ACTR3C: variants seen among roughly 807,000 people sequenced by gnomAD.
ACTR3C encodes actin-related protein 3C.
ACTR3C carries 18 observed loss-of-function variants against 26.3 expected under a neutral mutation model. The ratio of observed to expected loss-of-function variants is 0.68; its 90% CI spans 0.47 to 1.01. The LOEUF is 1.01. Among genes scored for constraint, ACTR3C ranks in the 50% least tolerant of loss-of-function variants. The probability of loss-of-function intolerance (pLI) is 0.00; values close to 1 mark genes in which losing one functional copy is unlikely to be tolerated. For synonymous variants in ACTR3C, 55 were observed against 94.5 expected (o/e 0.58, Z 2.42); for missense variants, 184 against 250.7 (o/e 0.73, Z 1.80).
chr7:150,035,155 C>A, the ACTR3C span, among the ~76,000 whole-genome samples: 12 of 132,798 alleles, frequency 9.0e-5, 1 homozygote, highest in African/African-American at 3.4e-4. Context: ...CGATGGGGGT[C>A]CTAAGCCAGG....
chr7:150,094,711 A>C, the ACTR3C span, among the ~76,000 whole-genome samples: 1 of 150,746 alleles, frequency 6.6e-6, no homozygotes, highest in East Asian at 1.9e-4. Flanking sequence ...CATTGAGATA[A>C]GGTGAGCAGG....
chr7:149,940,490 A>G, the ACTR3C span, among the ~76,000 whole-genome samples: 3,548 of 151,928 alleles, frequency 0.023, 150 homozygotes, highest in African/African-American at 0.08. Context: ...CAACAGTCTA[A>G]AAGAGATTTG....
intron 4 of ACTR3C, 114 bp from the exon 5 acceptor site, chr7:150,286,654 C>T: frequency 7.2e-7 from 1 of 1,387,474 alleles, no homozygotes; most frequent in Non-Finnish European, 9.7e-7. Flanking sequence ...CAGAACCGCC[C>T]CCACCGTTAC....
intron 6 of ACTR3C, among the ~76,000 whole-genome samples, chr7:150,265,172 T>C (rs1211204688): frequency 2.6e-5 from 4 of 152,252 alleles, no homozygotes; most frequent in African/African-American, 2.4e-5. Flanking sequence ...GACATCATCA[T>C]AAAACTTTTT....
the ACTR3C span, among the ~76,000 whole-genome samples, chr7:150,155,402 T>C: frequency 1.3e-5 from 2 of 152,086 alleles, no homozygotes; most frequent in African/African-American, 4.8e-5. Context: ...TCTCATCATC[T>C]GTGGAATTTG....
the ACTR3C span, among the ~76,000 whole-genome samples, chr7:150,037,446 C>A: frequency 5.5e-5 from 3 of 54,390 alleles, 1 homozygote. Context: ...TCAATCCCTG[C>A]CTCGCGGGGG....
chr7:149,913,595 A>G, the ACTR3C span, among the ~76,000 whole-genome samples: 1 of 151,994 alleles, frequency 6.6e-6, no homozygotes, highest in Non-Finnish European at 1.5e-5. Context: ...CCGGAAACAG[A>G]TTCCCAGGGG....
At chr7:150,136,230 C>T in the ACTR3C span, among the ~76,000 whole-genome samples, 8 of 152,314 alleles carry the variant, frequency 5.3e-5, no homozygotes, top group Admixed American at 1.3e-4. Context: ...GGTAGATGGC[C>T]GGTGCTGCTA....
chr7:150,102,220 T>C, the ACTR3C span, among the ~76,000 whole-genome samples: 3 of 151,578 alleles, frequency 2.0e-5, no homozygotes, highest in Admixed American at 1.3e-4. Context: ...ATTAACTACA[T>C]TTAAGGGTCT....
the ACTR3C span, among the ~76,000 whole-genome samples, chr7:150,042,706 T>C: frequency 1.3e-5 from 2 of 151,774 alleles, no homozygotes; most frequent in Admixed American, 6.5e-5. Context: ...ATTTGCTTCT[T>C]GTACTAGCAG....
Position 150,284,785 on chromosome 7 carries a change from A to T in ACTR3C, c.532T>A (p.Cys178Ser), listed in dbSNP as rs372310678. Residue 178 changes from cysteine to serine, a missense_variant, in exon 6 of 8, where the codon TGC becomes AGC. Cys to Ser is a moderately radical substitution (Grantham distance 112). Transcript: ENST00000683684. ...AGCGGACGCCGCACATCGATGGGGCAGTTCTGTATTACTTCATCAACAACA... is the reference window on the plus strand; with the variant it reads ...AGCGGACGCCGCACATCGATGGGGCTGTTCTGTATTACTTCATCAACAACA... ...SDVVDEVIQN[C>S]PIDVRRPLYK... 1 of 1,613,486 alleles carries T rather than the reference A, an allele frequency of 6.2e-7. No homozygotes were observed.
chr7:150,190,973 G>T, the ACTR3C span, among the ~76,000 whole-genome samples: 2 of 152,104 alleles, frequency 1.3e-5, no homozygotes, highest in African/African-American at 2.4e-5. Context: ...GCATGGAAGT[G>T]ACTGCCCCCA....
the ACTR3C span, among the ~76,000 whole-genome samples, chr7:150,049,373 G>T: frequency 1.9e-4 from 29 of 152,248 alleles, no homozygotes; most frequent in South Asian, 3.9e-3. Context: ...GAGAGCGAAC[G>T]TGGGCCGGGA....
the ACTR3C span, among the ~76,000 whole-genome samples, chr7:149,919,249 C>CT: frequency 5.8e-3 from 844 of 145,968 alleles, 8 homozygotes; most frequent in Middle Eastern, 0.014. Flanking sequence ...CATCCTTTTG[C>CT]TTTTTTTTTT....
chr7:150,159,798 G>A, the ACTR3C span, among the ~76,000 whole-genome samples: 1 of 150,876 alleles, frequency 6.6e-6, no homozygotes. Flanking sequence ...CTTTTTGTTT[G>A]TTTGTTTTTT....
At chr7:150,293,923 G>A (rs1836509810) in intron 2 of ACTR3C, among the ~76,000 whole-genome samples, 1 of 152,072 alleles carries the variant, frequency 6.6e-6, no homozygotes. Context: ...ACAACACAGT[G>A]AGACCTTGTC....
the ACTR3C span, among the ~76,000 whole-genome samples, chr7:150,068,800 A>AAAAC: frequency 1.4e-5 from 2 of 146,028 alleles, no homozygotes; most frequent in African/African-American, 2.6e-5. Context: ...AAAAAAAAAA[A>AAAAC]AACCAAAAAA....
the ACTR3C span, among the ~76,000 whole-genome samples, chr7:149,936,244 G>T: frequency 0.012 from 1,801 of 152,190 alleles, 37 homozygotes; most frequent in African/African-American, 0.041. Context: ...AAACATTTGG[G>T]TATACCGGGT....
chr7:150,149,105 ATATATATATATATATATATATG>A, the ACTR3C span, among the ~76,000 whole-genome samples: 1 of 135,240 alleles, frequency 7.4e-6, no homozygotes, highest in African/African-American at 3.0e-5. Flanking sequence ...ATATATATAT[ATATATATATATATATATATATG>A]CATTGGCCAT....
Sources: gnomAD v4.1 joint callset for allele counts (sites outside exome capture counted in the v4.1 genomes callset) on GRCh38, gnomAD v4.1.1 for gene constraint, MANE v1.5 for transcripts, NCBI Gene and HGNC (gene_info 2026-07-23, HGNC 2026-07-21) for gene names.